The following CNTN4 variants were observed in gnomAD, a reference collection of about 807,000 sequenced individuals.
CNTN4 encodes contactin-4.
Under a neutral mutation model 122.5 loss-of-function variants are expected in CNTN4, and 77 were observed. That is an observed-to-expected ratio of 0.63 (90% CI 0.52 to 0.76). The LOEUF is 0.76. CNTN4 is among the 30% of genes least tolerant of loss of function. The probability of loss-of-function intolerance (pLI) is 0.00; values close to 1 mark genes in which losing one functional copy is unlikely to be tolerated. For synonymous variants in CNTN4, 512 were observed against 447.0 expected, an observed-to-expected ratio of 1.15 and a Z score of -1.83; for missense variants, 1,256 against 1,259.1, an observed-to-expected ratio of 1.00 and a Z score of 0.04.
At chr3:2,456,390 T>G (rs2049001555) in intron 3 of CNTN4, among the ~76,000 whole-genome samples, 1 of 152,154 alleles carries the variant, frequency 6.6e-6, no homozygotes, top group Non-Finnish European at 1.5e-5. Context: ...ACTAGCCATT[T>G]TAAAATAAAC....
intron 13 of CNTN4, among the ~76,000 whole-genome samples, chr3:2,926,951 C>T (rs1355180975): frequency 6.6e-6 from 1 of 152,086 alleles, no homozygotes; most frequent in East Asian, 1.9e-4. Flanking sequence ...GCTTATTTTG[C>T]AGTCATCAAC....
chr3:2,695,534 A>AT (rs2085980110), intron 4 of CNTN4, among the ~76,000 whole-genome samples: 1 of 152,164 alleles, frequency 6.6e-6, no homozygotes, highest in African/African-American at 2.4e-5. Context: ...CCAACATCTG[A>AT]TGTCAGTTTG....
intron 13 of CNTN4, among the ~76,000 whole-genome samples, chr3:2,943,076 A>G (rs996709184): frequency 6.6e-6 from 1 of 152,262 alleles, no homozygotes; most frequent in Non-Finnish European, 1.5e-5. Flanking sequence ...TGAGGTGTAT[A>G]CTATACAGTA....
chr3:2,943,458 G>A (rs41526344), intron 13 of CNTN4, among the ~76,000 whole-genome samples: 11,239 of 151,920 alleles, frequency 0.074, 473 homozygotes, highest in Middle Eastern at 0.12. Context: ...AGGAACACTC[G>A]GCAGGTTCTT....
At chr3:2,876,859 C>T (rs2093850471) in intron 8 of CNTN4, among the ~76,000 whole-genome samples, 1 of 152,118 alleles carries the variant, frequency 6.6e-6, no homozygotes, top group Admixed American at 6.6e-5. Context: ...ATGACTAGCC[C>T]TTAAGATATG....
chr3:2,292,800 C>T (rs1198679112), intron 2 of CNTN4, among the ~76,000 whole-genome samples: 1 of 152,064 alleles, frequency 6.6e-6, no homozygotes, highest in Non-Finnish European at 1.5e-5. Context: ...CAATTTATTC[C>T]ATTCTTTTGT....
chr3:2,565,185 A>G (rs1464923959), intron 3 of CNTN4, among the ~76,000 whole-genome samples: 1 of 152,140 alleles, frequency 6.6e-6, no homozygotes, highest in African/African-American at 2.4e-5. Flanking sequence ...CTTGTTTAAT[A>G]GATGTAGCTT....
chr3:2,511,226 C>T (rs1293018049), intron 3 of CNTN4: 3 of 152,184 alleles, frequency 2.0e-5, no homozygotes, highest in African/African-American at 7.2e-5. Flanking sequence ...CATAAATTGC[C>T]CATTGGGAAA....
At chr3:2,971,648 C>A (rs1437851668) in intron 13 of CNTN4, among the ~76,000 whole-genome samples, 1 of 152,028 alleles carries the variant, frequency 6.6e-6, no homozygotes, top group African/African-American at 2.4e-5. Context: ...TGTTAAGGAA[C>A]AACCTGTATT....
intron 3 of CNTN4, among the ~76,000 whole-genome samples, chr3:2,482,500 C>G (rs2151595340): frequency 6.6e-6 from 1 of 152,168 alleles, no homozygotes; most frequent in South Asian, 2.1e-4. Context: ...TAATAAGGAG[C>G]TGAATATATC....
At chr3:2,942,950 A>T (rs2094630739) in intron 13 of CNTN4, among the ~76,000 whole-genome samples, 1 of 152,198 alleles carries the variant, frequency 6.6e-6, no homozygotes, top group African/African-American at 2.4e-5. Flanking sequence ...TACTTTAGGA[A>T]TTCCATGATT....
At chr3:2,591,700 T>G (rs1385711434) in intron 4 of CNTN4, among the ~76,000 whole-genome samples, 4 of 151,964 alleles carry the variant, frequency 2.6e-5, no homozygotes, top group Non-Finnish European at 5.9e-5. Context: ...CTTCTGAAAC[T>G]AAGCGAAAAA....
At chr3:2,960,740 C>T (rs1383850307) in intron 13 of CNTN4, among the ~76,000 whole-genome samples, 2 of 152,102 alleles carry the variant, frequency 1.3e-5, no homozygotes, top group Non-Finnish European at 2.9e-5. Context: ...GCAGTAATGG[C>T]CCCTGCTTTG....
intron 4 of CNTN4, among the ~76,000 whole-genome samples, chr3:2,677,806 A>T (rs565425986): frequency 7.9e-5 from 12 of 152,268 alleles, no homozygotes; most frequent in African/African-American, 2.9e-4. Context: ...AAAAAAAAAT[A>T]ACAGGTTTCC....
At chr3:2,702,847 A>G (rs28566552) in intron 4 of CNTN4, among the ~76,000 whole-genome samples, 7,256 of 152,254 alleles carry the variant, frequency 0.048, 418 homozygotes, top group African/African-American at 0.14. Flanking sequence ...AAACCATTAG[A>G]GATTTCTTTT....
chr3:2,425,863 CTGTT>C (rs1341127311), intron 3 of CNTN4, among the ~76,000 whole-genome samples: 1 of 152,086 alleles, frequency 6.6e-6, no homozygotes, highest in Non-Finnish European at 1.5e-5. Flanking sequence ...ATTTGGCTCT[CTGTT>C]TGTCTCTTAT....
At chr3:2,107,863 A>G (rs1017634776) in intron 2 of CNTN4, among the ~76,000 whole-genome samples, 2 of 152,024 alleles carry the variant, frequency 1.3e-5, no homozygotes, top group African/African-American at 4.8e-5. Flanking sequence ...CTTGTAATAC[A>G]TCAGACTTCC....
At chr3:2,159,296 T>TA (rs2149165981) in intron 2 of CNTN4, among the ~76,000 whole-genome samples, 1 of 152,340 alleles carries the variant, frequency 6.6e-6, no homozygotes, top group South Asian at 2.1e-4. Context: ...CCCTGAAGCT[T>TA]ACAATATCTG....
chr3:2,803,615 A>G (rs552514700), intron 6 of CNTN4, among the ~76,000 whole-genome samples: 2 of 150,264 alleles, frequency 1.3e-5, no homozygotes, highest in Admixed American at 1.3e-4. Flanking sequence ...GCTGGAGTGC[A>G]GTGGCGTGAT....
Sources: allele counts gnomAD v4.1 joint callset (sites outside exome capture counted in the v4.1 genomes callset), GRCh38; gene constraint gnomAD v4.1.1; transcripts MANE v1.5; gene names NCBI Gene and HGNC (gene_info 2026-07-23, HGNC 2026-07-21).